MACROD2: variants seen among roughly 807,000 people sequenced by gnomAD.
MACROD2 encodes the protein ADP-ribose glycohydrolase MACROD2.
In MACROD2, 36 loss-of-function variants were observed where a neutral mutation model predicts 70.4. The ratio of observed to expected loss-of-function variants is 0.51; its 90% CI spans 0.39 to 0.68. The LOEUF (loss-of-function observed/expected upper bound fraction) is 0.68. Among genes scored for constraint, MACROD2 ranks in the 30% least tolerant of loss-of-function variants. The pLI, the probability that MACROD2 is intolerant of heterozygous loss-of-function variation, is 0.00. For missense variants in MACROD2, 496 were observed against 538.4 expected, an observed-to-expected ratio of 0.92 and a Z score of 0.78; for synonymous variants, 172 against 178.8, an observed-to-expected ratio of 0.96 and a Z score of 0.30.
At chr20:14,527,472 A>G (rs1051578134) in intron 4 of MACROD2, among the ~76,000 whole-genome samples, 10 of 148,394 alleles carry the variant, frequency 6.7e-5, no homozygotes, top group Non-Finnish European at 8.9e-5. Flanking sequence ...GCACTCCCAT[A>G]TCACTTACAA....
At chr20:15,230,083 A>G in intron 6 of MACROD2, 22 bp downstream of exon 6, 1 of 1,607,246 alleles carries the variant, frequency 6.2e-7, no homozygotes, top group Non-Finnish European at 8.5e-7. Context: ...TATGTTTTTT[A>G]TTTCTCACTC....
intron 8 of MACROD2, among the ~76,000 whole-genome samples, chr20:15,696,566 A>G (rs948276480): frequency 4.0e-5 from 6 of 151,854 alleles, no homozygotes; most frequent in African/African-American, 1.5e-4. Flanking sequence ...CATAGAATGA[A>G]TTAGGGAGGA....
At chr20:14,454,201 A>T (rs2122994438) in intron 3 of MACROD2, among the ~76,000 whole-genome samples, 1 of 151,978 alleles carries the variant, frequency 6.6e-6, no homozygotes, top group African/African-American at 2.4e-5. Context: ...TGTTTTTAAA[A>T]TTCTATTCTT....
chr20:15,479,122 T>A (rs2047060264), intron 7 of MACROD2, among the ~76,000 whole-genome samples: 2 of 152,194 alleles, frequency 1.3e-5, no homozygotes, highest in Admixed American at 6.5e-5. Context: ...CACAAATCCT[T>A]CTTGACATCT....
At chr20:14,977,623 T>C in intron 5 of MACROD2, among the ~76,000 whole-genome samples, 1 of 151,958 alleles carries the variant, frequency 6.6e-6, no homozygotes, top group East Asian at 1.9e-4. Flanking sequence ...ACCCACATTA[T>C]AGGGTGTTAT....
chr20:15,095,656 T>G (rs974948510), intron 5 of MACROD2, among the ~76,000 whole-genome samples: 3 of 152,064 alleles, frequency 2.0e-5, no homozygotes, highest in African/African-American at 7.2e-5. Flanking sequence ...TAGCTGGGAC[T>G]ACAGGCATCT....
intron 4 of MACROD2, among the ~76,000 whole-genome samples, chr20:14,509,722 A>C (rs926973891): frequency 6.6e-6 from 1 of 151,934 alleles, no homozygotes; most frequent in Non-Finnish European, 1.5e-5. Flanking sequence ...GCTCAGAATA[A>C]TCTCTGGCAC....
intron 3 of MACROD2, among the ~76,000 whole-genome samples, chr20:14,109,713 C>T (rs1196157129): frequency 1.3e-5 from 2 of 151,856 alleles, no homozygotes; most frequent in East Asian, 3.9e-4. Context: ...AACCCAGAAC[C>T]TGAACAGATC....
intron 15 of MACROD2, among the ~76,000 whole-genome samples, chr20:16,032,292 G>A (rs73597746): frequency 0.071 from 10,711 of 151,778 alleles, 704 homozygotes; most frequent in African/African-American, 0.17. Flanking sequence ...ACTACCAATC[G>A]GGTGCTATGC....
At chr20:14,560,877 A>G (rs1424480229) in intron 4 of MACROD2, among the ~76,000 whole-genome samples, 1 of 151,862 alleles carries the variant, frequency 6.6e-6, no homozygotes. Flanking sequence ...TTACCTCTTA[A>G]TTTCTCTCTT....
At chr20:14,466,180 G>A (rs1162405715) in intron 3 of MACROD2, among the ~76,000 whole-genome samples, 3 of 152,094 alleles carry the variant, frequency 2.0e-5, no homozygotes, top group East Asian at 1.9e-4. Flanking sequence ...CAAATTGGAC[G>A]TAGATTTGGT....
At chr20:14,122,754 A>G (rs1008368331) in intron 3 of MACROD2, among the ~76,000 whole-genome samples, 2 of 152,210 alleles carry the variant, frequency 1.3e-5, no homozygotes, top group African/African-American at 4.8e-5. Flanking sequence ...GTTCTGAACA[A>G]CTATAGAATG....
At chr20:15,252,545 T>A (rs146779388) in intron 6 of MACROD2, among the ~76,000 whole-genome samples, 114 of 152,328 alleles carry the variant, frequency 7.5e-4, no homozygotes, top group Middle Eastern at 3.4e-3. Flanking sequence ...ACTGTCACAT[T>A]TCATTAACTA....
chr20:14,222,813 GAAAAAAA>G (rs199573606), intron 3 of MACROD2, among the ~76,000 whole-genome samples: 3,746 of 132,848 alleles, frequency 0.028, 276 homozygotes, highest in African/African-American at 0.084. Flanking sequence ...TTGGATTTCT[GAAAAAAA>G]AAAAAAAAAA....
At chr20:14,177,708 A>G (rs1001039163) in intron 3 of MACROD2, among the ~76,000 whole-genome samples, 4 of 152,220 alleles carry the variant, frequency 2.6e-5, no homozygotes, top group Non-Finnish European at 4.4e-5. Context: ...AATAAATTCA[A>G]CTACATCTGG....
At chr20:15,855,915 TC>T (rs1363025145) in intron 8 of MACROD2, among the ~76,000 whole-genome samples, 5 of 152,224 alleles carry the variant, frequency 3.3e-5, no homozygotes, top group African/African-American at 1.2e-4. Flanking sequence ...TCGTAATTTA[TC>T]CATTCTATCA....
At chr20:15,085,748 G>A (rs7265906) in intron 5 of MACROD2, among the ~76,000 whole-genome samples, 11,764 of 151,776 alleles carry the variant, frequency 0.078, 761 homozygotes, top group African/African-American at 0.18. Context: ...CAATATATTA[G>A]AATATTGCAA....
At chr20:14,890,657 G>A (rs2073743574) in intron 5 of MACROD2, among the ~76,000 whole-genome samples, 1 of 151,664 alleles carries the variant, frequency 6.6e-6, no homozygotes, top group Non-Finnish European at 1.5e-5. Flanking sequence ...AATTACTCAG[G>A]AGGCTGAGAT....
At chr20:16,003,152 G>A (rs1274530327) in intron 15 of MACROD2, among the ~76,000 whole-genome samples, 1 of 147,234 alleles carries the variant, frequency 6.8e-6, no homozygotes, top group Non-Finnish European at 1.5e-5. Context: ...GGGAAGCTAA[G>A]CCCTCAGTAG....
Sources: gnomAD v4.1 joint callset for allele counts (sites outside exome capture counted in the v4.1 genomes callset) on GRCh38, gnomAD v4.1.1 for gene constraint, MANE v1.5 for transcripts, NCBI Gene and HGNC (gene_info 2026-07-23, HGNC 2026-07-21) for gene names.